Variants in FERMT2 observed in about 807,000 individuals in gnomAD.
FERMT2 encodes the protein FERM domain containing kindlin 2.
In FERMT2, 15 loss-of-function variants were observed where a neutral mutation model predicts 82.7. The ratio of observed to expected loss-of-function variants is 0.18; its 90% CI spans 0.12 to 0.28. The LOEUF is 0.28. Among genes scored for constraint, FERMT2 ranks in the 10% least tolerant of loss-of-function variants. The pLI, the probability that FERMT2 is intolerant of heterozygous loss-of-function variation, is 1.00. For synonymous variants in FERMT2, 274 were observed against 271.5 expected (o/e 1.01, Z -0.09); for missense variants, 645 against 809.4 (o/e 0.80, Z 2.46).
At chr14:52,936,205 GCTATT>G (rs1171855946) in intron 2 of FERMT2, among the ~76,000 whole-genome samples, 4 of 152,292 alleles carry the variant, frequency 2.6e-5, no homozygotes, top group African/African-American at 9.6e-5. Flanking sequence ...AATGACACTA[GCTATT>G]CTAAAGTTCA....
rs1208997402 is a variant in FERMT2 at position 52,903,587 on chromosome 14, G to A, written c.392-10160C>T. Among the ~76,000 whole-genome samples, 6 of 151,336 alleles carry A rather than the reference G, an allele frequency of 4.0e-5. 1 individual carries two copies. The highest frequency in any genetic ancestry group is 2.9e-5 in the Non-Finnish European group (2 of 67,862). On this transcript the variant is annotated intron_variant, in intron 3 of 14. Transcript: ENST00000341590. ...AAAAAAGAAAAAAAAAACACTACCA[G>A]GACTATTAATAGCAACATTGGAAGC...
At chr14:52,950,007 C>T (rs1890550148) in intron 2 of FERMT2, among the ~76,000 whole-genome samples, 1 of 152,318 alleles carries the variant, frequency 6.6e-6, no homozygotes, top group African/African-American at 2.4e-5. Context: ...ATTCTCTATA[C>T]CAAACGTCAC....
At chr14:52,896,485 A>T (rs1353481775) in intron 3 of FERMT2, among the ~76,000 whole-genome samples, 1 of 152,132 alleles carries the variant, frequency 6.6e-6, no homozygotes, top group Non-Finnish European at 1.5e-5. Context: ...TTTAAGGTGG[A>T]AGCACACAGC....
At chr14:52,904,422 C>G in intron 3 of FERMT2, among the ~76,000 whole-genome samples, 1 of 152,176 alleles carries the variant, frequency 6.6e-6, no homozygotes, top group South Asian at 2.1e-4. Flanking sequence ...GAGGCTGAGA[C>G]AGGAGAATTG....
intron 10 of FERMT2, 83 bp from the exon 11 acceptor site, chr14:52,864,936 CATCTTA>C: frequency 1.3e-6 from 1 of 796,894 alleles, no homozygotes; most frequent in Non-Finnish European, 2.1e-6. Flanking sequence ...CATTCTGTGG[CATCTTA>C]ACATGTTGGA....
chr14:52,939,584 C>T (rs1890003758), intron 2 of FERMT2, among the ~76,000 whole-genome samples: 1 of 152,050 alleles, frequency 6.6e-6, no homozygotes, highest in African/African-American at 2.4e-5. Context: ...TTATAATAAT[C>T]CAAAGATACT....
intron 4 of FERMT2, among the ~76,000 whole-genome samples, chr14:52,885,359 T>C (rs1426366305): frequency 6.6e-6 from 1 of 151,190 alleles, no homozygotes; most frequent in Non-Finnish European, 1.5e-5. Flanking sequence ...AATGTCATTA[T>C]TGCAAACCAA....
chr14:52,859,845 T>C lies in FERMT2; in HGVS notation c.1728-131A>G, dbSNP rs141005792. 65 of 496,066 alleles carry C rather than the reference T, an allele frequency of 1.3e-4. No individual in the cohort carries two copies. The African/African-American group carries it at 1.3e-3, about 10-fold the overall frequency. 30.7% of individuals were successfully genotyped at this position (496,066 alleles called of 1,614,324 possible). The stretch of plus-strand genomic sequence containing the variant: ...CTTTTTTTTTTTTTTTGAGACGGAG[T>C]CTTGCTCTGTTGCCCAGGCTGGAGT... On this transcript the variant is annotated intron_variant, in intron 13 of 14. Transcript: ENST00000341590.
At chr14:52,866,797 A>C (rs147184378) in intron 10 of FERMT2, among the ~76,000 whole-genome samples, 1 of 152,058 alleles carries the variant, frequency 6.6e-6, no homozygotes, top group South Asian at 2.1e-4. Context: ...AAGTCCATCC[A>C]TTTCCTGCCA....
intron 2 of FERMT2, among the ~76,000 whole-genome samples, chr14:52,948,820 T>C (rs566697074): frequency 6.6e-6 from 1 of 152,336 alleles, no homozygotes; most frequent in African/African-American, 2.4e-5. Context: ...TTTTTTGCAA[T>C]ATAAAAAATA....
At chr14:52,941,150 G>A (rs1258531162) in intron 2 of FERMT2, among the ~76,000 whole-genome samples, 2 of 152,124 alleles carry the variant, frequency 1.3e-5, no homozygotes, top group African/African-American at 4.8e-5. Context: ...AAAAACTATT[G>A]ATACAAACAC....
chr14:52,942,149 T>C (rs555349428), intron 2 of FERMT2, among the ~76,000 whole-genome samples: 1 of 152,130 alleles, frequency 6.6e-6, no homozygotes. Context: ...TCCTTCCTAC[T>C]TTCATATACT....
intron 4 of FERMT2, among the ~76,000 whole-genome samples, chr14:52,885,890 A>T (rs1050777419): frequency 6.6e-6 from 1 of 151,968 alleles, no homozygotes; most frequent in Non-Finnish European, 1.5e-5. Context: ...AGCAAGAGTA[A>T]ACCTAGAACT....
chr14:52,864,159 C>G (rs1304422882), intron 12 of FERMT2, among the ~76,000 whole-genome samples: 3 of 152,026 alleles, frequency 2.0e-5, no homozygotes, highest in African/African-American at 4.8e-5. Context: ...AGTTGAGGAT[C>G]CCAAATCTGA....
At chr14:52,877,964 T>A (rs986197960) in intron 7 of FERMT2, among the ~76,000 whole-genome samples, 9 of 152,146 alleles carry the variant, frequency 5.9e-5, no homozygotes, top group African/African-American at 1.9e-4. Context: ...CACCTTAAAG[T>A]TATTCATGAA....
At chr14:52,859,815 C>CTAT in intron 13 of FERMT2, 101 bp from the exon 14 acceptor site, 1 of 610,648 alleles carries the variant, frequency 1.6e-6, no homozygotes, top group African/African-American at 2.0e-5. Context: ...TAAAAGAGTA[C>CTAT]TATTCTTTTT....
At chr14:52,864,921 G>A in intron 10 of FERMT2, 68 bp from the exon 11 acceptor site, 2 of 909,624 alleles carry the variant, frequency 2.2e-6, no homozygotes, top group Admixed American at 2.1e-5. Flanking sequence ...AATACAAGCA[G>A]CCCTCATTCT....
chr14:52,926,411 A>AAC (rs34726532), intron 2 of FERMT2, among the ~76,000 whole-genome samples: 11,759 of 146,822 alleles, frequency 0.08, 487 homozygotes, highest in Middle Eastern at 0.15. Context: ...GACCAAGTGC[A>AAC]ACACACACAC....
At chr14:52,860,774 C>G in intron 12 of FERMT2, 1 of 573,994 alleles carries the variant, frequency 1.7e-6, no homozygotes, top group Non-Finnish European at 3.0e-6. Context: ...ACAGCACATT[C>G]TAATCCACAT....
Sources: allele counts gnomAD v4.1 joint callset (sites outside exome capture counted in the v4.1 genomes callset), GRCh38; gene constraint gnomAD v4.1.1; transcripts MANE v1.5; gene names NCBI Gene and HGNC (gene_info 2026-07-23, HGNC 2026-07-21).